The following EPHA4 variants were observed in gnomAD, a reference collection of about 807,000 sequenced individuals.
The protein encoded by EPHA4 is ephrin type-A receptor 4.
Under a neutral mutation model 108.3 loss-of-function variants are expected in EPHA4, and 19 were observed. The ratio of observed to expected loss-of-function variants is 0.18; its 90% CI spans 0.12 to 0.26. The LOEUF is 0.26. EPHA4 is among the 10% of genes least tolerant of loss of function. EPHA4 has a pLI of 1.00. For synonymous variants in EPHA4, 449 were observed against 455.5 expected, an observed-to-expected ratio of 0.99 and a Z score of 0.18; for missense variants, 917 against 1,254.0, an observed-to-expected ratio of 0.73 and a Z score of 4.06.
chr2:221,510,180 A>G (rs903969055), intron 3 of EPHA4, among the ~76,000 whole-genome samples: 2 of 152,208 alleles, frequency 1.3e-5, no homozygotes, highest in African/African-American at 4.8e-5. Context: ...CTAAAACACT[A>G]TGGGATAACT....
rs1198147220 is a variant in EPHA4 at position 221,560,717 on chromosome 2, TA to T, written c.823+3013del. Among the ~76,000 whole-genome samples the T allele has an allele frequency of 5.9e-5, 9 of 152,314 alleles. No individual in the cohort carries two copies. The South Asian group carries it at 1.9e-3, about 32-fold the overall frequency. Reference sequence around the variant, plus strand: ...AAGTCCTCATTGCAAGTCTGTAAACTAAATATAACTATTATCATCCCATTTT... The same window carrying T: ...AAGTCCTCATTGCAAGTCTGTAAACTAATATAACTATTATCATCCCATTTT... On this transcript the variant is annotated intron_variant, in intron 3 of 17. Transcript: ENST00000281821.
intron 3 of EPHA4, among the ~76,000 whole-genome samples, chr2:221,513,601 C>T (rs1166560509): frequency 6.6e-6 from 1 of 152,152 alleles, no homozygotes; most frequent in African/African-American, 2.4e-5. Flanking sequence ...TTACGATTCT[C>T]TGCTGAGGTT....
intron 3 of EPHA4, among the ~76,000 whole-genome samples, chr2:221,546,516 T>C (rs546556734): frequency 1.3e-5 from 2 of 152,164 alleles, no homozygotes; most frequent in Admixed American, 6.5e-5. Flanking sequence ...ATTTATTATA[T>C]ATTTTATTAA....
At chr2:221,524,943 C>T (rs146853457) in intron 3 of EPHA4, among the ~76,000 whole-genome samples, 178 of 152,234 alleles carry the variant, frequency 1.2e-3, no homozygotes, top group African/African-American at 4.0e-3. Context: ...CTCCTAAGTT[C>T]TCAAAAGTAT....
At chr2:221,473,047 G>C (rs1396522665) in intron 5 of EPHA4, among the ~76,000 whole-genome samples, 4 of 152,170 alleles carry the variant, frequency 2.6e-5, no homozygotes, top group Non-Finnish European at 5.9e-5. Flanking sequence ...CCAATCATTA[G>C]TGACATTTCC....
intron 17 of EPHA4, chr2:221,422,074 T>TA (rs529717133): frequency 0.16 from 22,824 of 139,106 alleles, 1,867 homozygotes; most frequent in South Asian, 0.22. Flanking sequence ...ACCCCATCTT[T>TA]AAAAAAAAAA....
intron 13 of EPHA4, among the ~76,000 whole-genome samples, chr2:221,435,262 C>T (rs1485451060): frequency 2.0e-5 from 3 of 152,176 alleles, no homozygotes; most frequent in Non-Finnish European, 2.9e-5. Context: ...GCATTCCCCC[C>T]TGCTTAAATA....
At chr2:221,564,785 A>G (rs1489028393) in intron 2 of EPHA4, among the ~76,000 whole-genome samples, 1 of 151,708 alleles carries the variant, frequency 6.6e-6, no homozygotes, top group African/African-American at 2.4e-5. Context: ...ACCACTGAGC[A>G]GAGACCTGCA....
intron 8 of EPHA4, among the ~76,000 whole-genome samples, chr2:221,448,149 AT>A (rs1006842892): frequency 7.3e-5 from 11 of 151,238 alleles, no homozygotes; most frequent in African/African-American, 2.4e-4. Context: ...GCCAGAATCT[AT>A]TATTTAATTG....
rs560266000 is a variant in EPHA4, at chr2:221,516,449, G to GGTTC, written c.824-15281_824-15278dup. Among the ~76,000 whole-genome samples, 451 of 151,240 alleles carry GGTTC rather than the reference G, an allele frequency of 3.0e-3. 2 individuals carry two copies. The highest frequency in any genetic ancestry group is 7.9e-3 in the South Asian group (38 of 4,796). Reference sequence around the variant, plus strand: ...GGCTCACTGCAACCTCCGCCTCTCAGGTTCAAGTGATTCTCTTGCCTCTGC... The same window carrying GGTTC: ...GGCTCACTGCAACCTCCGCCTCTCAGGTTCGTTCAAGTGATTCTCTTGCCTCTGC... On this transcript the variant is annotated intron_variant, in intron 3 of 17. Transcript: ENST00000281821.
At position 221,501,179 on chromosome 2, in the gene EPHA4, G is replaced by A; in HGVS notation, c.824-7C>T. 1 of 1,563,652 alleles carries A rather than the reference G, an allele frequency of 6.4e-7. No individual in the cohort carries two copies. The highest frequency in any genetic ancestry group is 8.6e-7 in the Non-Finnish European group (1 of 1,158,134). Reference sequence around the variant, plus strand: ...TAATATCCAATTTTGCAAGCTGCAGGGAAGAAGAAAAAAACAAACAAATAG... The same window carrying A: ...TAATATCCAATTTTGCAAGCTGCAGAGAAGAAGAAAAAAACAAACAAATAG... On this transcript the variant is annotated splice_region_variant and splice_polypyrimidine_tract_variant and intron_variant, in intron 3 of 17. Coordinates refer to ENST00000281821, the MANE Select transcript of EPHA4 (RefSeq NM_004438.5).
At chr2:221,533,816 A>C (rs1574641178) in intron 3 of EPHA4, among the ~76,000 whole-genome samples, 1 of 151,812 alleles carries the variant, frequency 6.6e-6, no homozygotes. Flanking sequence ...ATGAAAATCC[A>C]AACAACCTTC....
At chr2:221,455,106 T>A (rs1690904598) in intron 8 of EPHA4, among the ~76,000 whole-genome samples, 1 of 152,202 alleles carries the variant, frequency 6.6e-6, no homozygotes, top group South Asian at 2.1e-4. Context: ...TTGAGGCAGA[T>A]AATAATTATC....
chr2:221,491,974 C>T (rs1289057519), intron 4 of EPHA4, among the ~76,000 whole-genome samples: 1 of 151,780 alleles, frequency 6.6e-6, no homozygotes. Context: ...GAGATTGCAC[C>T]ACTGGGAGAC....
At chr2:221,494,120 G>A (rs1344316404) in intron 4 of EPHA4, among the ~76,000 whole-genome samples, 2 of 152,038 alleles carry the variant, frequency 1.3e-5, no homozygotes, top group African/African-American at 2.4e-5. Context: ...GTTAAATAAA[G>A]AGCACCCAAA....
intron 10 of EPHA4, 141 bp downstream of exon 10, chr2:221,443,349 CATG>C (rs1274652285): frequency 5.0e-6 from 3 of 601,932 alleles, no homozygotes; most frequent in Admixed American, 3.3e-5. Context: ...CTTTATAACA[CATG>C]ATATTTTATA....
chr2:221,512,750 T>C (rs995487524), intron 3 of EPHA4, among the ~76,000 whole-genome samples: 1 of 152,246 alleles, frequency 6.6e-6, no homozygotes, highest in Non-Finnish European at 1.5e-5. Context: ...TATTCATTCA[T>C]TGGGCCATTT....
intron 13 of EPHA4, among the ~76,000 whole-genome samples, chr2:221,435,480 C>A (rs562054592): frequency 6.6e-6 from 1 of 152,156 alleles, no homozygotes; most frequent in African/African-American, 2.4e-5. Context: ...CCCCTGCCCC[C>A]CTCCAAAAAA....
intron 8 of EPHA4, among the ~76,000 whole-genome samples, chr2:221,446,564 T>C (rs112636929): frequency 4.9e-4 from 75 of 152,292 alleles, no homozygotes; most frequent in Middle Eastern, 3.4e-3. Flanking sequence ...TGTGTATATG[T>C]ATATATACAT....
Sources: allele counts gnomAD v4.1 joint callset (sites outside exome capture counted in the v4.1 genomes callset), GRCh38; gene constraint gnomAD v4.1.1; transcripts MANE v1.5; gene names NCBI Gene and HGNC (gene_info 2026-07-23, HGNC 2026-07-21).